The following EPHA3 variants were observed in gnomAD, a reference collection of about 807,000 sequenced individuals.
EPHA3 encodes the protein ephrin type-A receptor 3.
Under a neutral mutation model 107.1 loss-of-function variants are expected in EPHA3, and 42 were observed. The observed-to-expected ratio is 0.39, with a 90% CI of 0.31 to 0.51. The LOEUF is 0.51. Ranked by LOEUF, EPHA3 falls within the 20% of genes least tolerant of loss-of-function variation. The pLI is 0.78. For synonymous variants in EPHA3, 461 were observed against 424.8 expected, an observed-to-expected ratio of 1.09 and a Z score of -1.05; for missense variants, 1,183 against 1,211.2, an observed-to-expected ratio of 0.98 and a Z score of 0.35.
At chr3:89,323,989 A>G (rs946141320) in intron 3 of EPHA3, among the ~76,000 whole-genome samples, 1 of 151,912 alleles carries the variant, frequency 6.6e-6, no homozygotes, top group African/African-American at 2.4e-5. Context: ...TATAAATACC[A>G]CACGATTTAC....
chr3:89,131,342 T>C (rs999635524), intron 2 of EPHA3, among the ~76,000 whole-genome samples: 1 of 152,220 alleles, frequency 6.6e-6, no homozygotes, highest in South Asian at 2.1e-4. Flanking sequence ...AATATTTGAT[T>C]TGGAGAACAA....
intron 13 of EPHA3, among the ~76,000 whole-genome samples, chr3:89,431,761 AC>A (rs1046239534): frequency 2.6e-5 from 4 of 152,124 alleles, no homozygotes; most frequent in Non-Finnish European, 4.4e-5. Flanking sequence ...AATAAGTAAT[AC>A]CTATTTATAC....
At chr3:89,231,585 A>T (rs1239488289) in intron 3 of EPHA3, among the ~76,000 whole-genome samples, 1 of 152,150 alleles carries the variant, frequency 6.6e-6, no homozygotes, top group Non-Finnish European at 1.5e-5. Flanking sequence ...CATCATGCAG[A>T]TGGATAACCT....
intron 2 of EPHA3, among the ~76,000 whole-genome samples, chr3:89,176,305 G>A (rs1705318816): frequency 6.6e-6 from 1 of 151,790 alleles, no homozygotes; most frequent in African/African-American, 2.4e-5. Context: ...AACATATAGT[G>A]AAACCCCGTC....
At chr3:89,188,338 G>C (rs1206370277) in intron 2 of EPHA3, among the ~76,000 whole-genome samples, 3 of 152,172 alleles carry the variant, frequency 2.0e-5, no homozygotes, top group Non-Finnish European at 4.4e-5. Context: ...TCATCTTGCA[G>C]AAGTATTTGG....
At position 89,226,768 on chromosome 3, in the gene EPHA3, A is replaced by AT. The variant is rs573769210; in HGVS notation, c.814+16256dup. Among the ~76,000 whole-genome samples, 286 of 151,972 alleles carry AT rather than the reference A, an allele frequency of 1.9e-3. 2 individuals carry two copies. The highest frequency in any genetic ancestry group is 6.2e-3 in the African/African-American group (259 of 41,512). On this transcript the variant is annotated intron_variant, in intron 3 of 16. Coordinates refer to ENST00000336596, the MANE Select transcript of EPHA3 (RefSeq NM_005233.6). ...TTCTGAATTACCTTGCTGTGACAGT[A>AT]TTTTTTTTATCATGTAGAAAACCAG...
Position 89,459,625 on chromosome 3 carries a change from C to T in EPHA3, c.2690+9255C>T, listed in dbSNP as rs572266524. ...CCATCCTCCGCCTCCTGGGTTCAGG[C>T]GATTCTCCTGCCTCAGCCTCCTGAG... On this transcript the variant is annotated intron_variant, in intron 15 of 16. Transcript: ENST00000336596. Among the ~76,000 whole-genome samples, 4 of 152,150 alleles carry T rather than the reference C, an allele frequency of 2.6e-5. No homozygotes were observed. In the East Asian group the frequency reaches 7.8e-4, roughly 29 times the overall value.
chr3:89,241,357 G>T (rs1704892193), intron 3 of EPHA3, among the ~76,000 whole-genome samples: 1 of 152,084 alleles, frequency 6.6e-6, no homozygotes, highest in South Asian at 2.1e-4. Context: ...AAACTGATTG[G>T]CATTTGCCAC....
At chr3:89,130,931 C>T (rs1312164878) in intron 2 of EPHA3, among the ~76,000 whole-genome samples, 4 of 152,142 alleles carry the variant, frequency 2.6e-5, no homozygotes, top group African/African-American at 9.7e-5. Context: ...ACACCGCGCC[C>T]GGTCCCTATC....
chr3:89,245,853 C>T (rs900794701), intron 3 of EPHA3, among the ~76,000 whole-genome samples: 10 of 152,158 alleles, frequency 6.6e-5, no homozygotes, highest in African/African-American at 2.4e-4. Context: ...ACAAGGACAG[C>T]TTTTCTAATT....
chr3:89,141,466 G>C (rs888454196), intron 2 of EPHA3, among the ~76,000 whole-genome samples: 4 of 151,506 alleles, frequency 2.6e-5, no homozygotes, highest in African/African-American at 9.7e-5. Context: ...ATGATATTGT[G>C]ATTGATGATA....
intron 3 of EPHA3, among the ~76,000 whole-genome samples, chr3:89,279,567 G>A (rs934601248): frequency 6.6e-6 from 1 of 152,058 alleles, no homozygotes; most frequent in Admixed American, 6.6e-5. Context: ...AGTGATGTGA[G>A]CTAGTCTGCA....
At chr3:89,144,437 GC>G (rs762268300) in intron 2 of EPHA3, among the ~76,000 whole-genome samples, 11 of 151,702 alleles carry the variant, frequency 7.3e-5, no homozygotes, top group Non-Finnish European at 2.9e-5. Flanking sequence ...TACAAAAGAA[GC>G]CTCTGTCCTT....
intron 3 of EPHA3, among the ~76,000 whole-genome samples, chr3:89,300,031 C>G (rs1218749423): frequency 6.6e-6 from 1 of 151,872 alleles, no homozygotes; most frequent in Admixed American, 6.6e-5. Flanking sequence ...TAAACAACAA[C>G]AAAAGAATTT....
At chr3:89,165,873 G>T (rs1705049586) in intron 2 of EPHA3, among the ~76,000 whole-genome samples, 1 of 152,146 alleles carries the variant, frequency 6.6e-6, no homozygotes, top group Non-Finnish European at 1.5e-5. Context: ...TACCCATTCA[G>T]GGCTTTTGTT....
chr3:89,213,544 T>C (rs1250074737), intron 3 of EPHA3, among the ~76,000 whole-genome samples: 2 of 152,010 alleles, frequency 1.3e-5, no homozygotes, highest in African/African-American at 4.8e-5. Context: ...CAATAATAGA[T>C]TCATCTGACT....
rs1460422282 is a variant in EPHA3 at position 89,429,106 on chromosome 3, G to T, written c.2075G>T (p.Ser692Ile). 1 of 1,603,842 alleles carries T rather than the reference G, an allele frequency of 6.2e-7. No homozygotes were observed. Among genetic ancestry groups the T allele is most frequent in the Non-Finnish European group, 8.5e-7 (1 of 1,171,746 alleles). ...IIRLEGVVTK[S>I]KPVMIVTEYM... ...TATTTATTATTTACTGTATATCTAG[G>T]TAAGCCAGTTATGATTGTCACAGAA... Residue 692 changes from serine (S) to isoleucine (I), a missense_variant and splice_region_variant, in exon 12 of 17, where the codon AGT becomes ATT. Coordinates refer to ENST00000336596, the MANE Select transcript of EPHA3 (RefSeq NM_005233.6).
At chr3:89,297,509 C>T (rs1706384072) in intron 3 of EPHA3, among the ~76,000 whole-genome samples, 1 of 151,954 alleles carries the variant, frequency 6.6e-6, no homozygotes, top group Admixed American at 6.6e-5. Context: ...TATCCCAAAA[C>T]AATTACAAAA....
chr3:89,361,427 A>G (rs1199329958), intron 5 of EPHA3, among the ~76,000 whole-genome samples: 11 of 151,058 alleles, frequency 7.3e-5, no homozygotes, highest in South Asian at 2.1e-4. Flanking sequence ...TCAGCTTATA[A>G]CAAGCCAACT....
Sources: allele counts gnomAD v4.1 joint callset (sites outside exome capture counted in the v4.1 genomes callset), GRCh38; gene constraint gnomAD v4.1.1; transcripts MANE v1.5; gene names NCBI Gene and HGNC (gene_info 2026-07-23, HGNC 2026-07-21).